The following CKMT2 variants were observed in gnomAD, a reference collection of about 807,000 sequenced individuals.
CKMT2 encodes the protein creatine kinase S-type, mitochondrial.
A neutral mutation model predicts 48.9 loss-of-function variants in CKMT2; 43 were observed. That is an observed-to-expected ratio of 0.88 (90% confidence interval 0.69 to 1.13). The LOEUF (loss-of-function observed/expected upper bound fraction) is 1.13. CKMT2 is among the 50% of genes most tolerant of loss of function. The pLI, the probability that CKMT2 is intolerant of heterozygous loss-of-function variation, is 0.00. For synonymous variants in CKMT2, 206 were observed against 213.0 expected, an observed-to-expected ratio of 0.97 and a Z score of 0.29; for missense variants, 472 against 555.4, an observed-to-expected ratio of 0.85 and a Z score of 1.51.
chr5:81,256,784 G>A (rs1018131243), intron 5 of CKMT2, 131 bp from the exon 6 acceptor site: 7 of 591,838 alleles, frequency 1.2e-5, no homozygotes, highest in African/African-American at 9.3e-5. Flanking sequence ...CTAGTGGGCA[G>A]CCAAAGCTAA....
intron 1 of CKMT2, among the ~76,000 whole-genome samples, chr5:81,250,222 C>T (rs1286996698): frequency 6.6e-6 from 1 of 152,190 alleles, no homozygotes; most frequent in African/African-American, 2.4e-5. Flanking sequence ...CTATGTTCAG[C>T]TGTGTCATAA....
chr5:81,241,124 A>G (rs1488438151), intron 1 of CKMT2, among the ~76,000 whole-genome samples: 3 of 152,106 alleles, frequency 2.0e-5, no homozygotes, highest in African/African-American at 7.2e-5. Flanking sequence ...TAAAGGATGG[A>G]CCCAGTGATT....
At chr5:81,256,877 C>G in intron 5 of CKMT2, 38 bp from the exon 6 acceptor site, 2 of 1,469,176 alleles carry the variant, frequency 1.4e-6, no homozygotes, top group African/African-American at 1.4e-5. Flanking sequence ...TTGATCTCAT[C>G]AGTCTCTCCT....
chr5:81,245,864 C>T (rs938477700), intron 1 of CKMT2, among the ~76,000 whole-genome samples: 1 of 152,132 alleles, frequency 6.6e-6, no homozygotes, highest in Admixed American at 6.5e-5. Flanking sequence ...CAAACTGCTC[C>T]CCCACCAGTG....
chr5:81,243,923 C>T (rs1263006889), intron 1 of CKMT2: 10 of 482,482 alleles, frequency 2.1e-5, no homozygotes, highest in African/African-American at 4.2e-5. Context: ...TAACTCCTGA[C>T]CTCAGGTGAT....
At chr5:81,249,096 T>C (rs1756711806) in intron 1 of CKMT2, among the ~76,000 whole-genome samples, 1 of 151,846 alleles carries the variant, frequency 6.6e-6, no homozygotes, top group Non-Finnish European at 1.5e-5. Context: ...TCACCCAGGT[T>C]GGATTGCAGT....
chr5:81,263,599 AGAATT>A lies in CKMT2; in HGVS notation c.1125_1129del (p.Ile376SerfsTer5). On this transcript the variant is annotated frameshift_variant, in exon 9 of 10. Transcript: ENST00000254035. LOFTEE classifies it high-confidence loss of function. ...TGTGTACGACATTTCCAACATAGAT[AGAATT>A]GGTCGATCAGAGGTAACGTCTCTCT... 2 of 1,612,126 alleles carry A rather than the reference AGAATT, an allele frequency of 1.2e-6. No individual in the cohort carries two copies. The highest frequency in any genetic ancestry group is 1.7e-6 in the Non-Finnish European group (2 of 1,178,774).
In CKMT2 at chr5:81,261,585, T is replaced by C. The variant is rs940486971; in HGVS notation, c.1015-1906T>C. ...AAACAGAGCCAAATCATGAATGAAC[T>C]CCCATTCACAATTGCTTCAAAGAGA... On this transcript the variant is annotated intron_variant, in intron 8 of 9. Coordinates refer to ENST00000254035, the MANE Select transcript of CKMT2 (RefSeq NM_001099735.2). Among the ~76,000 whole-genome samples the C allele has an allele frequency of 2.6e-5, 4 of 152,070 alleles. No homozygotes were observed. The South Asian group carries it at 6.2e-4, about 24-fold the overall frequency.
At chr5:81,247,019 T>C (rs1756634670) in intron 1 of CKMT2, 1 of 152,228 alleles carries the variant, frequency 6.6e-6, no homozygotes, top group South Asian at 2.1e-4. Flanking sequence ...TCCTACAAGC[T>C]GTGAGATGCT....
At chr5:81,258,905 G>A (rs1757108840) in intron 7 of CKMT2, among the ~76,000 whole-genome samples, 1 of 151,998 alleles carries the variant, frequency 6.6e-6, no homozygotes, top group Admixed American at 6.6e-5. Context: ...AAATGGTTGG[G>A]GACCACTGCT....
intron 9 of CKMT2, among the ~76,000 whole-genome samples, chr5:81,265,345 A>C (rs1391075345): frequency 1.3e-5 from 2 of 152,196 alleles, no homozygotes; most frequent in African/African-American, 2.4e-5. Context: ...AAAGAGATAG[A>C]TAGGGAGGCA....
In CKMT2 at chr5:81,251,244, T is replaced by C. The variant is rs1182763059; in HGVS notation, c.112T>C (p.Cys38Arg). ...GTACCTGCTGAACCGGCAGAAAGTG[T>C]GTGCCGAGGTCCGGGAGCAGCCTAG... The part of the protein sequence containing the change: ...TGYLLNRQKV[C>R]AEVREQPRLF... Residue 38 changes from cysteine (C) to arginine (R), a missense_variant, in exon 2 of 10, where the codon TGT becomes CGT. Transcript: ENST00000254035. The C allele has an allele frequency of 6.2e-7, 1 of 1,614,162 alleles. No individual in the cohort carries two copies. The highest frequency in any genetic ancestry group is 8.5e-7 in the Non-Finnish European group (1 of 1,180,024).
At chr5:81,260,347 G>A (rs1757170412) in intron 8 of CKMT2, among the ~76,000 whole-genome samples, 1 of 152,152 alleles carries the variant, frequency 6.6e-6, no homozygotes, top group African/African-American at 2.4e-5. Flanking sequence ...AAAGCTAGCA[G>A]AAGACAAGAA....
chr5:81,266,076 G>C, intron 9 of CKMT2, 63 bp from the exon 10 acceptor site: 1 of 1,528,590 alleles, frequency 6.5e-7, no homozygotes, highest in Non-Finnish European at 9.0e-7. Flanking sequence ...TGCTGTTCCT[G>C]TTAATCAATG....
chr5:81,254,129 G>A (rs1024426491), intron 3 of CKMT2, among the ~76,000 whole-genome samples: 2 of 152,202 alleles, frequency 1.3e-5, no homozygotes, highest in African/African-American at 4.8e-5. Flanking sequence ...GAATCACTCA[G>A]CAGGAGGTTA....
intron 1 of CKMT2, among the ~76,000 whole-genome samples, chr5:81,242,078 G>A (rs922126449): frequency 6.6e-6 from 1 of 152,096 alleles, no homozygotes; most frequent in African/African-American, 2.4e-5. Flanking sequence ...TCTGACGATG[G>A]GCACGATGAG....
intron 8 of CKMT2, among the ~76,000 whole-genome samples, chr5:81,262,277 C>T (rs150264285): frequency 0.071 from 10,747 of 152,182 alleles, 444 homozygotes; most frequent in South Asian, 0.11. Context: ...AGGACATAGG[C>T]ATGGGCAAAG....
At chr5:81,254,343 TTAAA>T in intron 3 of CKMT2, 49 bp from the exon 4 acceptor site, 1 of 1,495,596 alleles carries the variant, frequency 6.7e-7, no homozygotes, top group Non-Finnish European at 9.3e-7. Context: ...GGAAAGGTCT[TTAAA>T]TAGTAGGTGA....
At chr5:81,249,505 G>A (rs1756730258) in intron 1 of CKMT2, among the ~76,000 whole-genome samples, 1 of 152,144 alleles carries the variant, frequency 6.6e-6, no homozygotes, top group African/African-American at 2.4e-5. Flanking sequence ...GGGGCTAATT[G>A]GCCCTTCTAA....
Sources: allele counts gnomAD v4.1 joint callset (sites outside exome capture counted in the v4.1 genomes callset), GRCh38; gene constraint gnomAD v4.1.1; transcripts MANE v1.5; gene names NCBI Gene and HGNC (gene_info 2026-07-23, HGNC 2026-07-21).